Variants in HDAC9 observed in about 807,000 individuals in gnomAD.
HDAC9 encodes the protein MEF-2 interacting transcription repressor (MITR) protein.
In HDAC9, 41 loss-of-function variants were observed where a neutral mutation model predicts 139.4. The ratio of observed to expected loss-of-function variants is 0.29; its 90% CI spans 0.23 to 0.38. The LOEUF (loss-of-function observed/expected upper bound fraction) is 0.38, where lower values mean the gene tolerates loss of function less well. Ranked by LOEUF, HDAC9 falls within the 10% of genes least tolerant of loss-of-function variation. The pLI is 1.00. For synonymous variants in HDAC9, 517 were observed against 476.2 expected (o/e 1.09, Z -1.12); for missense variants, 1,147 against 1,297.0 (o/e 0.88, Z 1.78).
chr7:18,279,241 C>G (rs1234034826), intron 2 of HDAC9, among the ~76,000 whole-genome samples: 2 of 152,120 alleles, frequency 1.3e-5, no homozygotes, highest in Non-Finnish European at 2.9e-5. Context: ...TTTTTGTTGT[C>G]CCAATGTTAG....
chr7:18,766,690 A>G (rs1562926312), intron 15 of HDAC9, among the ~76,000 whole-genome samples: 3 of 152,190 alleles, frequency 2.0e-5, no homozygotes, highest in Non-Finnish European at 4.4e-5. Flanking sequence ...ATGACAGTAT[A>G]TGGTGGCATA....
intron 1 of HDAC9, among the ~76,000 whole-genome samples, chr7:18,424,319 G>A (rs1195736193): frequency 6.6e-6 from 1 of 152,138 alleles, no homozygotes; most frequent in Non-Finnish European, 1.5e-5. Flanking sequence ...GGACATTTGG[G>A]CAAGTTATTT....
chr7:18,964,371 T>A (rs1348555170), intron 24 of HDAC9, among the ~76,000 whole-genome samples: 1 of 152,208 alleles, frequency 6.6e-6, no homozygotes, highest in Non-Finnish European at 1.5e-5. Flanking sequence ...GATTTTTTTT[T>A]AATTTCATAG....
intron 19 of HDAC9, among the ~76,000 whole-genome samples, chr7:18,831,561 A>G (rs1409923865): frequency 6.6e-6 from 1 of 152,142 alleles, no homozygotes; most frequent in Non-Finnish European, 1.5e-5. Flanking sequence ...ATCTAAATAT[A>G]TGGAGTTCTG....
At chr7:18,624,634 A>T (rs188007497) in intron 6 of HDAC9, among the ~76,000 whole-genome samples, 1 of 152,152 alleles carries the variant, frequency 6.6e-6, no homozygotes, top group East Asian at 1.9e-4. Context: ...TTTGCATCCC[A>T]TTAGTAAGTC....
chr7:18,552,043 T>C (rs961985951), intron 2 of HDAC9, among the ~76,000 whole-genome samples: 1 of 152,226 alleles, frequency 6.6e-6, no homozygotes, highest in Non-Finnish European at 1.5e-5. Flanking sequence ...TTTTAAAAGA[T>C]TAAGCATTTG....
At chr7:18,334,459 T>C (rs1244892219) in intron 1 of HDAC9, among the ~76,000 whole-genome samples, 1 of 151,432 alleles carries the variant, frequency 6.6e-6, no homozygotes, top group Non-Finnish European at 1.5e-5. Context: ...ATAATCCTTA[T>C]TATGTAAGAA....
At chr7:18,810,018 A>C (rs554115086) in intron 17 of HDAC9, among the ~76,000 whole-genome samples, 254 of 152,076 alleles carry the variant, frequency 1.7e-3, no homozygotes, top group Non-Finnish European at 2.9e-3. Flanking sequence ...ATATACATAC[A>C]ATGGAATCTT....
chr7:18,400,847 A>G (rs1191299620), intron 1 of HDAC9, among the ~76,000 whole-genome samples: 1 of 152,134 alleles, frequency 6.6e-6, no homozygotes, highest in African/African-American at 2.4e-5. Flanking sequence ...AATCCTGCAA[A>G]CCACGTCTGC....
intron 2 of HDAC9, chr7:18,502,287 A>G (rs530476550): frequency 2.9e-4 from 44 of 152,288 alleles, no homozygotes; most frequent in African/African-American, 1.0e-3. Context: ...CTTCTCCAGC[A>G]GATCATCCTT....
At chr7:18,853,906 A>T (rs913532809) in intron 21 of HDAC9, among the ~76,000 whole-genome samples, 4 of 152,166 alleles carry the variant, frequency 2.6e-5, no homozygotes, top group Non-Finnish European at 4.4e-5. Context: ...AATAATTCAC[A>T]TGTCTGGTTA....
intron 21 of HDAC9, among the ~76,000 whole-genome samples, chr7:18,839,529 C>CAATG (rs914632204): frequency 4.0e-5 from 6 of 151,880 alleles, no homozygotes; most frequent in South Asian, 2.1e-4. Context: ...TTGAATGAGT[C>CAATG]AATGAATGAA....
At chr7:18,827,733 A>G (rs1795561515) in intron 17 of HDAC9, among the ~76,000 whole-genome samples, 1 of 152,146 alleles carries the variant, frequency 6.6e-6, no homozygotes, top group Admixed American at 6.5e-5. Context: ...AGTTCTTTAC[A>G]TGCTAATTAT....
chr7:18,331,507 C>A (rs1240573966), intron 1 of HDAC9, among the ~76,000 whole-genome samples: 1 of 151,462 alleles, frequency 6.6e-6, no homozygotes, highest in Non-Finnish European at 1.5e-5. Context: ...AACTTTTTGA[C>A]CCTGTAGTAT....
upstream of HDAC9, among the ~76,000 whole-genome samples, chr7:18,494,439 C>T (rs1210195660): frequency 6.6e-6 from 1 of 151,978 alleles, no homozygotes; most frequent in African/African-American, 2.4e-5. Flanking sequence ...TCCTCTCTTT[C>T]CCCTGTTGCT....
intron 2 of HDAC9, among the ~76,000 whole-genome samples, chr7:18,284,317 A>G (rs755051730): frequency 2.0e-4 from 30 of 152,150 alleles, no homozygotes; most frequent in Non-Finnish European, 4.0e-4. Context: ...ACATTAGGCA[A>G]ATGATGGTTA....
intron 16 of HDAC9, among the ~76,000 whole-genome samples, chr7:18,779,769 A>G (rs937688619): frequency 1.3e-4 from 20 of 152,138 alleles, no homozygotes; most frequent in African/African-American, 4.8e-4. Flanking sequence ...CACCTTGAGT[A>G]GATTCAGGTC....
At chr7:18,872,334 G>A (rs6951745) in intron 21 of HDAC9, among the ~76,000 whole-genome samples, 68,078 of 151,864 alleles carry the variant, frequency 0.45, 15,900 homozygotes, top group African/African-American at 0.58. Flanking sequence ...AGTGACCTAC[G>A]TAGCAAATGT....
chr7:18,276,528 GTGAT>G (rs1219423853), intron 2 of HDAC9, among the ~76,000 whole-genome samples: 3 of 152,168 alleles, frequency 2.0e-5, no homozygotes, highest in Non-Finnish European at 2.9e-5. Context: ...GTTCTGAGCT[GTGAT>G]TGATCATCAT....
Sources: allele counts gnomAD v4.1 joint callset (sites outside exome capture counted in the v4.1 genomes callset), GRCh38; gene constraint gnomAD v4.1.1; transcripts MANE v1.5; gene names NCBI Gene and HGNC (gene_info 2026-07-23, HGNC 2026-07-21).